Variants in CAP2 observed in about 807,000 individuals in gnomAD.
CAP2 encodes the protein adenylyl cyclase-associated protein 2.
CAP2 carries 24 observed loss-of-function variants against 57.7 expected under a neutral mutation model. The ratio of observed to expected loss-of-function variants is 0.42; its 90% CI spans 0.30 to 0.58. The LOEUF (loss-of-function observed/expected upper bound fraction) is 0.58, where lower values mean the gene tolerates loss of function less well. Among genes scored for constraint, CAP2 ranks in the 20% least tolerant of loss-of-function variants. The probability of loss-of-function intolerance (pLI) is 0.22; values close to 1 mark genes in which losing one functional copy is unlikely to be tolerated. For synonymous variants in CAP2, 194 were observed against 207.2 expected (o/e 0.94, Z 0.55); for missense variants, 501 against 590.3 (o/e 0.85, Z 1.57).
intron 1 of CAP2, among the ~76,000 whole-genome samples, chr6:17,399,254 G>A (rs551245243): frequency 6.6e-6 from 1 of 152,154 alleles, no homozygotes; most frequent in African/African-American, 2.4e-5. Flanking sequence ...GTAGAGACAG[G>A]GTTTTGTCAT....
intron 12 of CAP2, among the ~76,000 whole-genome samples, chr6:17,553,475 T>G (rs1763220596): frequency 6.6e-6 from 1 of 151,620 alleles, no homozygotes; most frequent in African/African-American, 2.4e-5. Context: ...CTACTAAAAA[T>G]ACAAAAAATT....
chr6:17,456,045 C>T (rs772192435), intron 3 of CAP2, among the ~76,000 whole-genome samples: 11 of 152,142 alleles, frequency 7.2e-5, no homozygotes, highest in South Asian at 2.1e-4. Context: ...GGAATAGAAA[C>T]GAAAGACAGA....
chr6:17,553,592 C>A (rs1381635990), intron 12 of CAP2, among the ~76,000 whole-genome samples: 1 of 149,708 alleles, frequency 6.7e-6, no homozygotes, highest in African/African-American at 2.5e-5. Flanking sequence ...GAGATCACGC[C>A]ACTGCACTCC....
intron 11 of CAP2, among the ~76,000 whole-genome samples, chr6:17,551,194 T>G (rs1581617052): frequency 6.6e-6 from 1 of 152,346 alleles, no homozygotes; most frequent in Middle Eastern, 3.4e-3. Context: ...AGCTGCTGTT[T>G]CCAAATTAAT....
At chr6:17,473,736 C>T (rs1435921863) in intron 4 of CAP2, among the ~76,000 whole-genome samples, 6 of 152,046 alleles carry the variant, frequency 3.9e-5, no homozygotes, top group Non-Finnish European at 7.4e-5. Context: ...GGGCATGGTT[C>T]GTTACTTTTT....
chr6:17,442,122 G>A (rs911525513), intron 3 of CAP2, among the ~76,000 whole-genome samples: 1 of 152,106 alleles, frequency 6.6e-6, no homozygotes, highest in Non-Finnish European at 1.5e-5. Flanking sequence ...AAATTCTTTG[G>A]TCGAGTAAGT....
At chr6:17,418,150 G>C (rs1387971405) in intron 1 of CAP2, among the ~76,000 whole-genome samples, 1 of 152,170 alleles carries the variant, frequency 6.6e-6, no homozygotes, top group Admixed American at 6.5e-5. Flanking sequence ...GACAGGGAGA[G>C]AGACAGAGAG....
chr6:17,526,369 G>A (rs59533657), intron 7 of CAP2, among the ~76,000 whole-genome samples: 1 of 151,250 alleles, frequency 6.6e-6, no homozygotes, highest in Admixed American at 6.6e-5. Context: ...CCAACCTTCT[G>A]TGCCTCCCAA....
At chr6:17,487,464 T>G (rs772270469) in intron 4 of CAP2, among the ~76,000 whole-genome samples, 13 of 149,834 alleles carry the variant, frequency 8.7e-5, no homozygotes, top group Non-Finnish European at 1.3e-4. Flanking sequence ...TTTGTTTGTT[T>G]GTTTGTTTGT....
chr6:17,511,058 T>C (rs1478092652), intron 6 of CAP2, among the ~76,000 whole-genome samples: 7 of 152,346 alleles, frequency 4.6e-5, no homozygotes, highest in African/African-American at 1.7e-4. Context: ...GTAGAAAATG[T>C]ACTTCCAGTA....
At chr6:17,489,041 A>G (rs1435545106) in intron 4 of CAP2, among the ~76,000 whole-genome samples, 2 of 152,202 alleles carry the variant, frequency 1.3e-5, no homozygotes, top group East Asian at 3.9e-4. Context: ...CCACTCCGGC[A>G]AACACAGGAA....
chr6:17,543,432 A>C (rs1458887602), intron 11 of CAP2, among the ~76,000 whole-genome samples: 2 of 152,100 alleles, frequency 1.3e-5, no homozygotes, highest in African/African-American at 4.8e-5. Context: ...CCTGGCTAAC[A>C]CAGTGAAACC....
Position 17,470,466 on chromosome 6 carries a change from A to T in CAP2, c.300+7393A>T, listed in dbSNP as rs9477448. The stretch of plus-strand genomic sequence containing the variant: ...AAATCTCAAAGGCTTAACAGAAGAG[A>T]TTTTTTTTCTTGTTCACATAAGGTC... On this transcript the variant is annotated intron_variant, in intron 4 of 12. Coordinates refer to ENST00000229922, the MANE Select transcript of CAP2 (RefSeq NM_006366.3). Among the ~76,000 whole-genome samples the T allele has an allele frequency of 5.8e-3, 880 of 152,034 alleles. 12 individuals are homozygous for T. Among genetic ancestry groups the T allele is most frequent in the African/African-American group, 0.02 (814 of 41,468 alleles).
intron 3 of CAP2, 76 bp downstream of exon 3, chr6:17,426,766 G>A (rs1158391750): frequency 2.2e-6 from 2 of 921,572 alleles, no homozygotes; most frequent in Non-Finnish European, 3.6e-6. Context: ...CTAACAGCCT[G>A]AGGAGATCTT....
At chr6:17,509,023 G>A (rs1762070246) in intron 6 of CAP2, among the ~76,000 whole-genome samples, 1 of 152,022 alleles carries the variant, frequency 6.6e-6, no homozygotes, top group African/African-American at 2.4e-5. Context: ...CCAAAGTGTT[G>A]GGATTGTAGG....
intron 3 of CAP2, among the ~76,000 whole-genome samples, chr6:17,456,423 T>C (rs1227715558): frequency 1.3e-5 from 2 of 152,248 alleles, no homozygotes; most frequent in Non-Finnish European, 2.9e-5. Flanking sequence ...TAGCATTCTA[T>C]TACCTCTTTT....
intron 3 of CAP2, among the ~76,000 whole-genome samples, chr6:17,440,080 A>C (rs1760027450): frequency 6.6e-6 from 1 of 151,650 alleles, no homozygotes; most frequent in African/African-American, 2.4e-5. Flanking sequence ...TTTTTATTGG[A>C]ATCGGTTAAA....
At chr6:17,496,033 G>A (rs950976556) in intron 4 of CAP2, among the ~76,000 whole-genome samples, 7 of 126,684 alleles carry the variant, frequency 5.5e-5, no homozygotes, top group Admixed American at 1.5e-4. Flanking sequence ...TGGGTGGGGG[G>A]GGGGGGTAAG....
chr6:17,462,141 G>A (rs1020984854), intron 3 of CAP2, among the ~76,000 whole-genome samples: 8 of 151,790 alleles, frequency 5.3e-5, no homozygotes, highest in Non-Finnish European at 8.8e-5. Context: ...CTGCTTACAC[G>A]TCTCCTTGTG....
Sources: allele counts gnomAD v4.1 joint callset (sites outside exome capture counted in the v4.1 genomes callset), GRCh38; gene constraint gnomAD v4.1.1; transcripts MANE v1.5; gene names NCBI Gene and HGNC (gene_info 2026-07-23, HGNC 2026-07-21).